The following SGCZ variants were observed in gnomAD, a reference collection of about 807,000 sequenced individuals.
SGCZ encodes zeta-sarcoglycan.
In SGCZ, 40 loss-of-function variants were observed where a neutral mutation model predicts 41.3. The observed-to-expected ratio is 0.97, with a 90% CI of 0.75 to 1.26. The LOEUF (loss-of-function observed/expected upper bound fraction) is 1.26. Among genes scored for constraint, SGCZ ranks in the 50% most tolerant of loss-of-function variants. SGCZ has a pLI of 0.00. For missense variants in SGCZ, 552 were observed against 369.8 expected (o/e 1.49, Z -4.04); for synonymous variants, 206 against 137.5 (o/e 1.50, Z -3.49).
At chr8:15,128,865 C>T (rs1422120809) in intron 1 of SGCZ, among the ~76,000 whole-genome samples, 1 of 152,180 alleles carries the variant, frequency 6.6e-6, no homozygotes, top group African/African-American at 2.4e-5. Flanking sequence ...CACACAACCT[C>T]TGGAGAATAA....
chr8:14,442,316 G>C lies in SGCZ; in HGVS notation c.234+112416C>G, dbSNP rs111359229. 6.8e-3 allele frequency among the ~76,000 whole-genome samples: 1,033 copies of C among 152,232 alleles called. 13 individuals carry two copies. Among genetic ancestry groups the C allele is most frequent in the African/African-American group, 0.024 (987 of 41,530 alleles). On this transcript the variant is annotated intron_variant, in intron 2 of 7. Coordinates refer to ENST00000382080, the MANE Select transcript of SGCZ (RefSeq NM_139167.4). Reference sequence around the variant, plus strand: ...AGATCTGATGGTTTTATAAAAGGGAGTTCCCTTGCACACACTCTCTTGCCT... The same window carrying C: ...AGATCTGATGGTTTTATAAAAGGGACTTCCCTTGCACACACTCTCTTGCCT...
intron 1 of SGCZ, among the ~76,000 whole-genome samples, chr8:14,669,772 C>A (rs1195450112): frequency 6.6e-6 from 1 of 151,712 alleles, no homozygotes; most frequent in Non-Finnish European, 1.5e-5. Context: ...TAGTATGTTT[C>A]CATATCTTGT....
intron 3 of SGCZ, among the ~76,000 whole-genome samples, chr8:14,240,323 G>A (rs1289099832): frequency 4.4e-5 from 2 of 45,412 alleles, no homozygotes; most frequent in African/African-American, 1.9e-4. Flanking sequence ...GCGAAACTCT[G>A]TGTCAAAAAA....
At chr8:14,666,059 A>G (rs1807900461) in intron 1 of SGCZ, among the ~76,000 whole-genome samples, 1 of 152,204 alleles carries the variant, frequency 6.6e-6, no homozygotes, top group Non-Finnish European at 1.5e-5. Flanking sequence ...GATTCTGGCA[A>G]CTGAGCAAAC....
intron 1 of SGCZ, among the ~76,000 whole-genome samples, chr8:14,557,031 C>G (rs751030458): frequency 6.6e-6 from 1 of 152,000 alleles, no homozygotes; most frequent in African/African-American, 2.4e-5. Context: ...AATGTTTGTA[C>G]TAGTTTACAT....
intron 1 of SGCZ, among the ~76,000 whole-genome samples, chr8:14,601,959 A>G (rs1805603088): frequency 6.6e-6 from 1 of 151,950 alleles, no homozygotes; most frequent in Non-Finnish European, 1.5e-5. Context: ...TCTCTACTGA[A>G]AACACAAAAA....
intron 1 of SGCZ, among the ~76,000 whole-genome samples, chr8:15,122,366 T>A (rs1018594130): frequency 2.0e-5 from 3 of 152,152 alleles, no homozygotes; most frequent in African/African-American, 7.2e-5. Context: ...TTGATAAGAT[T>A]GCTTTTCATT....
intron 1 of SGCZ, among the ~76,000 whole-genome samples, chr8:15,217,818 G>T (rs1481774127): frequency 6.6e-6 from 1 of 152,058 alleles, no homozygotes; most frequent in Non-Finnish European, 1.5e-5. Flanking sequence ...GCTGTGCGTG[G>T]CATTCATGCC....
intron 1 of SGCZ, among the ~76,000 whole-genome samples, chr8:14,609,185 A>C (rs76714824): frequency 0.012 from 1,852 of 152,288 alleles, 19 homozygotes; most frequent in Non-Finnish European, 0.02. Flanking sequence ...TGAGATTGTA[A>C]TAACATAACA....
At chr8:14,435,921 G>C (rs1800077332) in intron 2 of SGCZ, among the ~76,000 whole-genome samples, 1 of 152,110 alleles carries the variant, frequency 6.6e-6, no homozygotes, top group African/African-American at 2.4e-5. Context: ...ACTCCAAAGG[G>C]TAACTGAACA....
chr8:14,899,550 A>G (rs1798890119), intron 1 of SGCZ, among the ~76,000 whole-genome samples: 1 of 152,166 alleles, frequency 6.6e-6, no homozygotes, highest in African/African-American at 2.4e-5. Flanking sequence ...CAGGCTGGAA[A>G]AGGAATGCCC....
chr8:15,224,668 A>G (rs1011898321), intron 1 of SGCZ, among the ~76,000 whole-genome samples: 1 of 152,206 alleles, frequency 6.6e-6, no homozygotes, highest in Admixed American at 6.5e-5. Flanking sequence ...AAATCTAACT[A>G]TATGCTGCTT....
chr8:14,545,330 A>C (rs957435130), intron 2 of SGCZ, among the ~76,000 whole-genome samples: 2 of 152,176 alleles, frequency 1.3e-5, no homozygotes, highest in South Asian at 2.1e-4. Context: ...CAATAAGATA[A>C]TTTTTATTAA....
intron 1 of SGCZ, among the ~76,000 whole-genome samples, chr8:15,216,464 C>T (rs963857206): frequency 1.6e-4 from 24 of 151,960 alleles, no homozygotes; most frequent in African/African-American, 5.1e-4. Flanking sequence ...TCATGATCTG[C>T]CCACCTGGGG....
chr8:14,266,203 T>C (rs1307309237), intron 3 of SGCZ, among the ~76,000 whole-genome samples: 1 of 152,094 alleles, frequency 6.6e-6, no homozygotes, highest in African/African-American at 2.4e-5. Flanking sequence ...GTCTGGAAGA[T>C]TACCGATTCA....
intron 3 of SGCZ, among the ~76,000 whole-genome samples, chr8:14,318,613 T>C (rs1403274151): frequency 6.6e-6 from 1 of 151,890 alleles, no homozygotes; most frequent in African/African-American, 2.4e-5. Context: ...ATTGGAAGTA[T>C]TCTACAGGAG....
At chr8:14,148,508 C>T (rs1440402795) in intron 5 of SGCZ, among the ~76,000 whole-genome samples, 2 of 151,672 alleles carry the variant, frequency 1.3e-5, no homozygotes, top group African/African-American at 2.4e-5. Context: ...CTGAACAGAC[C>T]AATAAGAAGT....
chr8:14,964,966 C>T (rs933431816), intron 1 of SGCZ, among the ~76,000 whole-genome samples: 2 of 152,130 alleles, frequency 1.3e-5, no homozygotes, highest in African/African-American at 4.8e-5. Context: ...GGAGCTCAGG[C>T]AGACAGACCA....
At chr8:14,646,787 A>G (rs1053284025) in intron 1 of SGCZ, among the ~76,000 whole-genome samples, 1 of 150,546 alleles carries the variant, frequency 6.6e-6, no homozygotes, top group Admixed American at 6.6e-5. Flanking sequence ...TTGTTCATAT[A>G]TTCATTCAAA....
Sources: gnomAD v4.1 joint callset for allele counts (sites outside exome capture counted in the v4.1 genomes callset) on GRCh38, gnomAD v4.1.1 for gene constraint, MANE v1.5 for transcripts, NCBI Gene and HGNC (gene_info 2026-07-23, HGNC 2026-07-21) for gene names.